Variants in PRKN observed in about 807,000 individuals in gnomAD.
PRKN encodes the protein E3 ubiquitin-protein ligase parkin.
In PRKN, 56 loss-of-function variants were observed where a neutral mutation model predicts 59.5. That is an observed-to-expected ratio of 0.94 (90% CI 0.76 to 1.18). The LOEUF is 1.18. Among genes scored for constraint, PRKN ranks in the 50% most tolerant of loss-of-function variants. The pLI, the probability that PRKN is intolerant of heterozygous loss-of-function variation, is 0.00. For synonymous variants in PRKN, 250 were observed against 222.1 expected, an observed-to-expected ratio of 1.13 and a Z score of -1.12; for missense variants, 657 against 596.4, an observed-to-expected ratio of 1.10 and a Z score of -1.06.
rs575148904 is a variant in PRKN at position 161,499,188 on chromosome 6, A to T, written c.1083+49666T>A. Among the ~76,000 whole-genome samples, 575 of 149,054 alleles carry T rather than the reference A, an allele frequency of 3.9e-3. 2 individuals are homozygous for T. Among genetic ancestry groups the T allele is most frequent in the African/African-American group, 0.014 (547 of 40,286 alleles). On this transcript the variant is annotated intron_variant, in intron 9 of 11. Transcript: ENST00000366898. The surrounding 1 kb of genome is among the most constrained non-coding windows in gnomAD (Gnocchi z 4.2). ...TTGAAAAGAATCTAAGACAACATTT[A>T]CAGATTGGGAGATCAACGTAAAAGA...
chr6:162,186,814 C>T (rs1035869108), intron 4 of PRKN, among the ~76,000 whole-genome samples: 2 of 152,170 alleles, frequency 1.3e-5, no homozygotes, highest in Non-Finnish European at 1.5e-5. Context: ...TTGCCTTCTG[C>T]GGTGACTGGA....
intron 7 of PRKN, among the ~76,000 whole-genome samples, chr6:161,605,921 C>T (rs1284234203): frequency 6.6e-6 from 1 of 152,144 alleles, no homozygotes; most frequent in Non-Finnish European, 1.5e-5. Context: ...AGGGGCTCTA[C>T]AGCAAGATGC....
At position 161,444,784 on chromosome 6, in the gene PRKN, T is replaced by C. The variant is rs542046054; in HGVS notation, c.1084-57907A>G. 2.6e-5 allele frequency among the ~76,000 whole-genome samples: 4 copies of C among 152,362 alleles called. No homozygotes were observed. In the South Asian group the frequency reaches 8.3e-4, roughly 32 times the overall value. On this transcript the variant is annotated intron_variant, in intron 9 of 11. Coordinates refer to ENST00000366898, the MANE Select transcript of PRKN (RefSeq NM_004562.3). This position sits in a 1 kb window ranked among gnomAD's most constrained non-coding sequence, Gnocchi z 5.6. ...ATGCTGTACGGACAGAATCTTTACA[T>C]GTCGTTTATTTTGCATTTCAAATGC...
chr6:162,293,564 G>A (rs1260707978), intron 2 of PRKN, among the ~76,000 whole-genome samples: 1 of 152,166 alleles, frequency 6.6e-6, no homozygotes. Context: ...GTCCCATTGG[G>A]GGGCCCCACC....
chr6:162,177,130 A>G (rs528240706), intron 4 of PRKN, among the ~76,000 whole-genome samples: 1 of 152,242 alleles, frequency 6.6e-6, no homozygotes, highest in Non-Finnish European at 1.5e-5. Context: ...ACAGGCACTC[A>G]CACCAAAATC....
At chr6:162,382,011 T>G (rs1786515482) in intron 2 of PRKN, among the ~76,000 whole-genome samples, 1 of 152,186 alleles carries the variant, frequency 6.6e-6, no homozygotes, top group African/African-American at 2.4e-5. Flanking sequence ...CTTAGGGGGT[T>G]ATTGGTCAAA....
chr6:162,238,550 G>A (rs892426963), intron 3 of PRKN, among the ~76,000 whole-genome samples: 1 of 152,162 alleles, frequency 6.6e-6, no homozygotes, highest in African/African-American at 2.4e-5. Flanking sequence ...AAAAACCCAA[G>A]GAAGACGTTA....
intron 1 of PRKN, among the ~76,000 whole-genome samples, chr6:162,508,171 C>T (rs1410479448): frequency 1.3e-5 from 2 of 152,110 alleles, no homozygotes; most frequent in Non-Finnish European, 2.9e-5. Context: ...GATGCAAAAG[C>T]GGAAATCCCT....
At chr6:162,263,471 C>T (rs1309677212) in intron 2 of PRKN, among the ~76,000 whole-genome samples, 1 of 152,130 alleles carries the variant, frequency 6.6e-6, no homozygotes, top group Non-Finnish European at 1.5e-5. Flanking sequence ...ACTCTTGCCA[C>T]CCAGGGTTCA....
At chr6:161,662,899 G>A (rs1784597824) in intron 7 of PRKN, among the ~76,000 whole-genome samples, 1 of 152,152 alleles carries the variant, frequency 6.6e-6, no homozygotes, top group Non-Finnish European at 1.5e-5. Flanking sequence ...GTTTGGATGT[G>A]TCCCCACCCA....
At chr6:161,387,895 A>G (rs1217227624) in intron 9 of PRKN, among the ~76,000 whole-genome samples, 1 of 152,200 alleles carries the variant, frequency 6.6e-6, no homozygotes, top group African/African-American at 2.4e-5. Flanking sequence ...ACAGAGACAC[A>G]CGGACTGAGA....
chr6:162,458,777 G>T, intron 1 of PRKN, among the ~76,000 whole-genome samples: 1 of 151,704 alleles, frequency 6.6e-6, no homozygotes, highest in Middle Eastern at 3.4e-3. Flanking sequence ...AAAATTAAAT[G>T]ACTTATATTG....
At chr6:162,404,595 C>T (rs1439696614) in intron 2 of PRKN, among the ~76,000 whole-genome samples, 1 of 152,014 alleles carries the variant, frequency 6.6e-6, no homozygotes, top group African/African-American at 2.4e-5. Flanking sequence ...TCTTGTTGCC[C>T]AGGCTAGAGT....
chr6:161,900,687 T>G (rs538757509), intron 6 of PRKN, among the ~76,000 whole-genome samples: 1 of 127,144 alleles, frequency 7.9e-6, no homozygotes, highest in Non-Finnish European at 1.6e-5. Context: ...TATAATATAT[T>G]ATATATTATA....
chr6:161,601,179 C>A (rs1218203363), intron 7 of PRKN, among the ~76,000 whole-genome samples: 1 of 152,118 alleles, frequency 6.6e-6, no homozygotes, highest in African/African-American at 2.4e-5. Flanking sequence ...TTAGTCTGTT[C>A]AGGCTATTAC....
At chr6:162,583,771 G>A (rs1219438030) in intron 1 of PRKN, among the ~76,000 whole-genome samples, 1 of 152,058 alleles carries the variant, frequency 6.6e-6, no homozygotes, top group African/African-American at 2.4e-5. Context: ...AATAGCAAAT[G>A]ATCCTATAAA....
chr6:162,175,447 T>C (rs539950272), intron 4 of PRKN, among the ~76,000 whole-genome samples: 38 of 152,342 alleles, frequency 2.5e-4, no homozygotes, highest in Middle Eastern at 6.8e-3. Context: ...GATATAAGTA[T>C]GCAACCCTTT....
rs1450332649 is a variant in PRKN, at chr6:161,391,537, T to G, written c.1084-4660A>C. ...AAGTCTATTCCCTTATAGATTTGGTTAGAAGGCAATCAAACACATGGACTG... is the reference window on the plus strand; with the variant it reads ...AAGTCTATTCCCTTATAGATTTGGTGAGAAGGCAATCAAACACATGGACTG... On this transcript the variant is annotated intron_variant, in intron 9 of 11. Transcript: ENST00000366898. This position sits in a 1 kb window ranked among gnomAD's most constrained non-coding sequence, Gnocchi z 4.9. Among the ~76,000 whole-genome samples, 1 of 152,074 alleles carries G rather than the reference T, an allele frequency of 6.6e-6. No homozygotes were observed. The highest frequency in any genetic ancestry group is 1.5e-5 in the Non-Finnish European group (1 of 68,022).
chr6:162,255,088 A>G (rs1326873103), intron 3 of PRKN, among the ~76,000 whole-genome samples: 1 of 140,942 alleles, frequency 7.1e-6, no homozygotes, highest in Non-Finnish European at 1.6e-5. Context: ...AAAATAAAAT[A>G]AAATAAAATA....
Sources: gnomAD v4.1 joint callset for allele counts (sites outside exome capture counted in the v4.1 genomes callset) on GRCh38, gnomAD v4.1.1 for gene constraint, Gnocchi (gnomAD v3.1) non-coding constraint, MANE v1.5 for transcripts, NCBI Gene and HGNC (gene_info 2026-07-23, HGNC 2026-07-21) for gene names.